Variants in MAP4 observed in about 807,000 individuals in gnomAD.
MAP4 encodes microtubule associated protein 4.
A neutral mutation model predicts 170.2 loss-of-function variants in MAP4; 76 were observed. The ratio of observed to expected loss-of-function variants is 0.45; its 90% CI spans 0.37 to 0.54. The LOEUF is 0.54. Among genes scored for constraint, MAP4 ranks in the 20% least tolerant of loss-of-function variants. MAP4 has a pLI of 0.00. For missense variants in MAP4, 2,506 were observed against 2,748.0 expected, an observed-to-expected ratio of 0.91 and a Z score of 1.97; for synonymous variants, 909 against 994.5, an observed-to-expected ratio of 0.91 and a Z score of 1.62.
intron 10 of MAP4, among the ~76,000 whole-genome samples, chr3:47,882,258 G>A (rs2096887433): frequency 6.6e-6 from 1 of 152,150 alleles, no homozygotes; most frequent in Admixed American, 6.5e-5. Context: ...CAGCCTGGGT[G>A]ACAAGAGTGA....
chr3:47,908,896 G>T, intron 9 of MAP4, 142 bp downstream of exon 9: 1 of 861,936 alleles, frequency 1.2e-6, no homozygotes, highest in Non-Finnish European at 1.8e-6. Flanking sequence ...ACACACCGTA[G>T]CAGTTATAGG....
At chr3:47,869,167 T>C in intron 16 of MAP4, 47 bp downstream of exon 16, 1 of 1,404,054 alleles carries the variant, frequency 7.1e-7, no homozygotes, top group Non-Finnish European at 1.0e-6. Flanking sequence ...CTGGAAGAAG[T>C]ATTTTACCAT....
intron 7 of MAP4, 62 bp downstream of exon 7, chr3:47,915,889 T>C: frequency 6.5e-7 from 1 of 1,529,748 alleles, no homozygotes; most frequent in African/African-American, 1.4e-5. Context: ...ATGTTTGTCC[T>C]TAGTCTTCTC....
intron 1 of MAP4, among the ~76,000 whole-genome samples, chr3:48,026,317 T>TA (rs1322733760): frequency 2.0e-5 from 3 of 152,196 alleles, no homozygotes; most frequent in African/African-American, 4.8e-5. Flanking sequence ...GACTACATCA[T>TA]AAACGCTCAT....
At chr3:47,983,815 A>G (rs2100086918) in intron 2 of MAP4, among the ~76,000 whole-genome samples, 1 of 152,164 alleles carries the variant, frequency 6.6e-6, no homozygotes, top group Admixed American at 6.5e-5. Context: ...CACCATGATC[A>G]GCCTCGTCCA....
intron 15 of MAP4, among the ~76,000 whole-genome samples, chr3:47,869,713 G>C (rs764875761): frequency 6.6e-6 from 1 of 151,944 alleles, no homozygotes; most frequent in Non-Finnish European, 1.5e-5. Flanking sequence ...CAGCTGCCAC[G>C]GTCACAGGAA....
intron 3 of MAP4, among the ~76,000 whole-genome samples, chr3:47,957,951 C>CCT: frequency 6.6e-6 from 1 of 152,294 alleles, no homozygotes; most frequent in East Asian, 1.9e-4. Context: ...CTCCTAACAA[C>CCT]TGAGTTCTGC....
At chr3:48,034,187 C>G (rs2100117599) in intron 1 of MAP4, among the ~76,000 whole-genome samples, 1 of 152,150 alleles carries the variant, frequency 6.6e-6, no homozygotes, top group African/African-American at 2.4e-5. Context: ...GTGTGGTTAG[C>G]CTATCTGGCA....
Position 47,910,688 on chromosome 3 carries a change from C to T in MAP4, c.3733G>A (p.Gly1245Arg). 1.3e-6 allele frequency: 2 copies of T among 1,536,084 alleles called. No individual in the cohort carries two copies. The highest frequency in any genetic ancestry group is 1.7e-6 in the Non-Finnish European group (2 of 1,146,882). The change falls in exon 9 of 21, where the codon GGG becomes AGG. Residue 1245 changes from glycine (G) to arginine (R), a missense_variant. By Grantham distance (125) the Gly-to-Arg change is moderately radical. Transcript: ENST00000683076. ...ATACTACCAGTATCTCCATCCTTCCCTTCAAAAGGTGGGTTAAGGATTTCT... is the reference window on the plus strand; with the variant it reads ...ATACTACCAGTATCTCCATCCTTCCTTTCAAAAGGTGGGTTAAGGATTTCT... The part of the protein sequence containing the change: ...KEEILNPPFE[G>R]KDGDTGSIPH...
At chr3:47,915,053 C>G (rs947554479) in intron 7 of MAP4, 114 bp from the exon 8 acceptor site, 72 of 1,275,026 alleles carry the variant, frequency 5.6e-5, no homozygotes, top group Non-Finnish European at 7.6e-5. Flanking sequence ...CTACAAGGGG[C>G]AGCAAAGGAG....
intron 3 of MAP4, among the ~76,000 whole-genome samples, 183 bp downstream of exon 3, chr3:47,977,682 C>T (rs1192650597): frequency 6.6e-6 from 1 of 152,202 alleles, no homozygotes; most frequent in African/African-American, 2.4e-5. Flanking sequence ...ACTCATTATT[C>T]TCCTTCCATT....
chr3:47,990,088 G>A (rs2100091225), intron 2 of MAP4, among the ~76,000 whole-genome samples: 1 of 152,150 alleles, frequency 6.6e-6, no homozygotes, highest in Non-Finnish European at 1.5e-5. Flanking sequence ...AAACAGCCAG[G>A]TCTCAATGCA....
chr3:48,073,919 AC>A (rs1368364232), intron 1 of MAP4, among the ~76,000 whole-genome samples: 1 of 152,168 alleles, frequency 6.6e-6, no homozygotes, highest in Admixed American at 6.6e-5. Flanking sequence ...AGGATCTAGA[AC>A]TAGAAATACC....
Position 47,851,599 on chromosome 3 carries a change from A to G in MAP4, c.*1335T>C, listed in dbSNP as rs2042347720. 2 of 152,210 alleles carry G rather than the reference A, an allele frequency of 1.3e-5. No individual in the cohort carries two copies. The highest frequency in any genetic ancestry group is 4.1e-4 in the South Asian group (2 of 4,834). The allele number at this position is 152,210 out of a possible 1,614,324, so 9.4% of individuals were successfully genotyped here. A position where few individuals can be genotyped will look rare whatever the true frequency, so the allele number is the denominator to read the frequency against. ...TATTAGAAACCATGCAAACTTTAAT[A>G]CAAAAAATACAAGTGCAATAAGAAT... On this transcript the variant is annotated 3_prime_UTR_variant, in exon 21 of 21. Transcript: ENST00000683076.
chr3:48,036,147 C>T (rs973706752), intron 1 of MAP4, among the ~76,000 whole-genome samples: 2 of 152,146 alleles, frequency 1.3e-5, no homozygotes, highest in African/African-American at 4.8e-5. Flanking sequence ...TAATTTACTA[C>T]CAAATATTGT....
At chr3:48,031,280 G>A (rs982603338) in intron 1 of MAP4, among the ~76,000 whole-genome samples, 7 of 152,142 alleles carry the variant, frequency 4.6e-5, no homozygotes, top group Non-Finnish European at 8.8e-5. Flanking sequence ...GGCTGGGTGC[G>A]GTGGCTCACA....
intron 1 of MAP4, among the ~76,000 whole-genome samples, chr3:48,026,408 T>A (rs1257369574): frequency 1.3e-5 from 2 of 152,346 alleles, no homozygotes; most frequent in East Asian, 3.9e-4. Context: ...TAGATTGGCC[T>A]TCAGGACAGA....
chr3:47,940,563 G>A (rs2153997865), intron 3 of MAP4, among the ~76,000 whole-genome samples: 1 of 152,196 alleles, frequency 6.6e-6, no homozygotes, highest in South Asian at 2.1e-4. Context: ...GAAGGACAGG[G>A]GACAGTTTTC....
At chr3:47,999,248 C>T (rs973770531) in intron 1 of MAP4, among the ~76,000 whole-genome samples, 2 of 152,150 alleles carry the variant, frequency 1.3e-5, no homozygotes, top group Non-Finnish European at 1.5e-5. Flanking sequence ...TACATAGTTA[C>T]ATTACTATCG....
Sources: gnomAD v4.1 joint callset for allele counts (sites outside exome capture counted in the v4.1 genomes callset) on GRCh38, gnomAD v4.1.1 for gene constraint, MANE v1.5 for transcripts, NCBI Gene and HGNC (gene_info 2026-07-23, HGNC 2026-07-21) for gene names.